The following ZFAT variants were observed in gnomAD, a reference collection of about 807,000 sequenced individuals.
ZFAT encodes the protein zinc finger and AT-hook domain containing, also known as zinc finger protein ZFAT.
In ZFAT, 64 loss-of-function variants were observed where a neutral mutation model predicts 117.7. The observed-to-expected ratio is 0.54, with a 90% CI of 0.44 to 0.67. The LOEUF (loss-of-function observed/expected upper bound fraction) is 0.67, where lower values mean the gene tolerates loss of function less well. Among genes scored for constraint, ZFAT ranks in the 30% least tolerant of loss-of-function variants. The probability of loss-of-function intolerance (pLI) is 0.00; values close to 1 mark genes in which losing one functional copy is unlikely to be tolerated. For synonymous variants in ZFAT, 679 were observed against 615.0 expected (o/e 1.10, Z -1.54); for missense variants, 1,433 against 1,584.5 (o/e 0.90, Z 1.62).
chr8:134,620,036 C>T (rs2131015391), intron 3 of ZFAT, among the ~76,000 whole-genome samples: 1 of 152,290 alleles, frequency 6.6e-6, no homozygotes, highest in South Asian at 2.1e-4. Flanking sequence ...AGGTGATAGT[C>T]AAATGGCAAA....
At chr8:134,786,096 C>T in the ZFAT span, among the ~76,000 whole-genome samples, 1 of 152,190 alleles carries the variant, frequency 6.6e-6, no homozygotes, top group Non-Finnish European at 1.5e-5. Context: ...CTAATTCTTG[C>T]AGATTGCTCT....
chr8:134,622,131 C>T (rs2131025309), intron 3 of ZFAT, among the ~76,000 whole-genome samples: 1 of 152,272 alleles, frequency 6.6e-6, no homozygotes, highest in South Asian at 2.1e-4. Context: ...ACATGAAAGT[C>T]CTACTCAGGC....
At chr8:134,709,384 G>A (rs1045305043) in intron 1 of ZFAT, among the ~76,000 whole-genome samples, 2 of 152,194 alleles carry the variant, frequency 1.3e-5, no homozygotes, top group Non-Finnish European at 2.9e-5. Context: ...GAAGGGACTG[G>A]GGTCCCAAGG....
chr8:134,759,083 T>C, the ZFAT span, among the ~76,000 whole-genome samples: 10 of 152,190 alleles, frequency 6.6e-5, no homozygotes, highest in Non-Finnish European at 1.2e-4. Context: ...AGTCTTTCTT[T>C]AGGGAAAGGT....
At chr8:134,547,238 C>G (rs1405414659) in intron 11 of ZFAT, among the ~76,000 whole-genome samples, 3 of 152,212 alleles carry the variant, frequency 2.0e-5, no homozygotes, top group Non-Finnish European at 4.4e-5. Flanking sequence ...GAGCACTGAT[C>G]ACCAAAGCTC....
chr8:134,808,553 C>T, the ZFAT span, among the ~76,000 whole-genome samples: 2 of 152,174 alleles, frequency 1.3e-5, no homozygotes, highest in South Asian at 2.1e-4. Context: ...TCTGTAAGAT[C>T]GTAGCAAGAG....
chr8:134,773,004 G>C, the ZFAT span, among the ~76,000 whole-genome samples: 9 of 151,038 alleles, frequency 6.0e-5, no homozygotes, highest in East Asian at 7.8e-4. Context: ...AGGTGTGGGA[G>C]GATTGCTTGA....
rs549384302 is a variant in ZFAT, at chr8:134,649,925, G to A, written c.196+7636C>T. 3.3e-5 allele frequency among the ~76,000 whole-genome samples: 5 copies of A among 152,158 alleles called. No individual in the cohort carries two copies. The South Asian group carries it at 6.2e-4, about 19-fold the overall frequency. On this transcript the variant is annotated intron_variant, in intron 2 of 15. Transcript: ENST00000377838. The stretch of plus-strand genomic sequence containing the variant: ...GGGCAGTTTCCCCCATGCCGTTCTC[G>A]TGATAAGTGAGTTCTCATAAGATCT...
At chr8:134,701,719 T>C (rs1209628772) in intron 1 of ZFAT, among the ~76,000 whole-genome samples, 1 of 152,260 alleles carries the variant, frequency 6.6e-6, no homozygotes, top group Non-Finnish European at 1.5e-5. Context: ...TTAGTCCAGG[T>C]TGTTGCCTGC....
the ZFAT span, among the ~76,000 whole-genome samples, chr8:134,736,809 C>T: frequency 6.6e-6 from 1 of 152,128 alleles, no homozygotes; most frequent in South Asian, 2.1e-4. Context: ...TGGTCTCAAA[C>T]TCCTGGGCTC....
chr8:134,479,546 T>C (rs1817140839), intron 15 of ZFAT, among the ~76,000 whole-genome samples: 1 of 152,110 alleles, frequency 6.6e-6, no homozygotes, highest in Non-Finnish European at 1.5e-5. Context: ...ACAAAAGACA[T>C]GGAGTTGAGA....
chr8:134,687,275 G>C (rs990339559), intron 1 of ZFAT, among the ~76,000 whole-genome samples: 1 of 152,188 alleles, frequency 6.6e-6, no homozygotes, highest in African/African-American at 2.4e-5. Flanking sequence ...TTTATTAAAG[G>C]CAAGAGAGAA....
At chr8:134,711,464 G>C (rs184554061) in intron 1 of ZFAT, among the ~76,000 whole-genome samples, 2 of 152,266 alleles carry the variant, frequency 1.3e-5, no homozygotes, top group East Asian at 1.9e-4. Context: ...CAGCACACCT[G>C]AATCAGCTGG....
At chr8:134,755,817 C>CAAAAAAAAAAAAAAAAAAAAAAAA in the ZFAT span, among the ~76,000 whole-genome samples, 2 of 90,014 alleles carry the variant, frequency 2.2e-5, no homozygotes, top group Non-Finnish European at 2.1e-5. Flanking sequence ...GACTCCATCT[C>CAAAAAAAAAAAAAAAAAAAAAAAA]AAAAAAAAAA....
At chr8:134,667,060 C>G (rs1389661553) in intron 1 of ZFAT, among the ~76,000 whole-genome samples, 1 of 152,154 alleles carries the variant, frequency 6.6e-6, no homozygotes, top group Non-Finnish European at 1.5e-5. Context: ...ACCACGTTCT[C>G]ACTCATAAGT....
At chr8:134,653,377 C>A (rs1831392887) in intron 2 of ZFAT, among the ~76,000 whole-genome samples, 1 of 146,574 alleles carries the variant, frequency 6.8e-6, no homozygotes, top group Non-Finnish European at 1.5e-5. Context: ...CCTGGCTCAG[C>A]CTCCTGAGTA....
chr8:134,575,945 AG>A (rs991542917), intron 10 of ZFAT, among the ~76,000 whole-genome samples: 2 of 152,248 alleles, frequency 1.3e-5, no homozygotes, highest in African/African-American at 4.8e-5. Flanking sequence ...CTGAACTTCA[AG>A]CAACTGCAGA....
intron 11 of ZFAT, among the ~76,000 whole-genome samples, chr8:134,546,071 G>C (rs891915101): frequency 6.6e-6 from 1 of 152,164 alleles, no homozygotes; most frequent in Admixed American, 6.5e-5. Flanking sequence ...TAACACTGAC[G>C]ACGACAACAC....
rs13340612 is a variant in ZFAT, at chr8:134,657,498, G to A, written c.196+63C>T. ...TTTTCTAGGCTTCTGCTATGCCCAC[G>A]GAGCAAATCAACATCAACAGGTGTG... is the stretch of plus-strand genomic sequence containing the variant. On this transcript the variant is annotated intron_variant, in intron 2 of 15. Transcript: ENST00000377838. 7,977 of 1,468,632 alleles carry A rather than the reference G, an allele frequency of 5.4e-3. 406 individuals carry two copies. In the African/African-American group the frequency reaches 0.1, roughly 18 times the overall value. The allele number at this position is 1,468,632 out of a possible 1,614,324, so 91.0% of individuals were successfully genotyped here. A position where few individuals can be genotyped will look rare whatever the true frequency, so the allele number is the denominator to read the frequency against.
Sources: allele counts gnomAD v4.1 joint callset (sites outside exome capture counted in the v4.1 genomes callset), GRCh38; gene constraint gnomAD v4.1.1; transcripts MANE v1.5; gene names NCBI Gene and HGNC (gene_info 2026-07-23, HGNC 2026-07-21).